Variants in STK3 observed in about 807,000 individuals in gnomAD.
STK3 encodes the protein serine/threonine-protein kinase 3.
STK3 carries 41 observed loss-of-function variants against 58.0 expected under a neutral mutation model. The observed-to-expected ratio is 0.71, with a 90% CI of 0.55 to 0.92. The LOEUF (loss-of-function observed/expected upper bound fraction) is 0.92. STK3 is among the 40% of genes least tolerant of loss of function. The pLI is 0.00. For synonymous variants in STK3, 170 were observed against 191.0 expected (o/e 0.89, Z 0.91); for missense variants, 479 against 602.7 (o/e 0.79, Z 2.15).
intron 8 of STK3, among the ~76,000 whole-genome samples, chr8:98,559,327 T>C (rs183403129): frequency 2.8e-4 from 42 of 152,192 alleles, no homozygotes; most frequent in Non-Finnish European, 5.6e-4. Flanking sequence ...CCTTGAGAAA[T>C]GTATAGTTTA....
chr8:98,369,464 G>A (rs1817591298), downstream of STK3, among the ~76,000 whole-genome samples: 1 of 152,128 alleles, frequency 6.6e-6, no homozygotes, highest in African/African-American at 2.4e-5. Context: ...GGGGAGGTGA[G>A]TGTGAAGGCT....
At chr8:98,458,602 A>G (rs1208658002) in intron 10 of STK3, among the ~76,000 whole-genome samples, 1 of 152,154 alleles carries the variant, frequency 6.6e-6, no homozygotes, top group Non-Finnish European at 1.5e-5. Flanking sequence ...AAATCTCATC[A>G]TGAATTGTAA....
At chr8:98,840,230 C>G (rs1208207293) in intron 3 of STK3, among the ~76,000 whole-genome samples, 1 of 151,372 alleles carries the variant, frequency 6.6e-6, no homozygotes, top group African/African-American at 2.4e-5. Flanking sequence ...TATCAGTAAT[C>G]CAGCCACTCA....
At chr8:98,570,935 C>G (rs1812909801) in intron 8 of STK3, among the ~76,000 whole-genome samples, 1 of 152,206 alleles carries the variant, frequency 6.6e-6, no homozygotes, top group African/African-American at 2.4e-5. Flanking sequence ...TTAGATAATG[C>G]AACCTCCCTT....
intron 7 of STK3, among the ~76,000 whole-genome samples, chr8:98,582,709 G>T (rs1814026709): frequency 1.3e-5 from 2 of 151,866 alleles, no homozygotes; most frequent in Non-Finnish European, 2.9e-5. Context: ...ATTTAATTCT[G>T]CTTCATTATT....
chr8:98,581,446 G>A lies in STK3; in HGVS notation c.823-1657C>T, dbSNP rs897884503. ...GGAATACTTTCTACACTGCCTTGTG[G>A]AGATGAATGCCTTAGCATGACAGCC... On this transcript the variant is annotated intron_variant, in intron 7 of 10. Transcript: ENST00000419617. Among the ~76,000 whole-genome samples, 5 of 152,098 alleles carry A rather than the reference G, an allele frequency of 3.3e-5. No individual in the cohort carries two copies. In the East Asian group the frequency reaches 9.7e-4, roughly 29 times the overall value.
chr8:98,757,011 C>T (rs1054480951), intron 3 of STK3, among the ~76,000 whole-genome samples: 1 of 152,010 alleles, frequency 6.6e-6, no homozygotes, highest in Non-Finnish European at 1.5e-5. Context: ...CATTCTTGTC[C>T]ACTTCTTCCC....
At position 98,570,279 on chromosome 8, in the gene STK3, T is replaced by A. The variant is rs556040254; in HGVS notation, c.948+9385A>T. Among the ~76,000 whole-genome samples, 11 of 150,496 alleles carry A rather than the reference T, an allele frequency of 7.3e-5. 1 individual carries two copies. The highest frequency in any genetic ancestry group is 2.4e-4 in the African/African-American group (10 of 41,216). On this transcript the variant is annotated intron_variant, in intron 8 of 10. Transcript: ENST00000419617. ...AAATAGCTGGGACTACAGGCATGCA[T>A]CACCAAGCCTAGCTAATTTTGTGTT...
the STK3 span, among the ~76,000 whole-genome samples, chr8:98,346,414 A>C: frequency 3.3e-5 from 5 of 152,010 alleles, no homozygotes; most frequent in Admixed American, 6.5e-5. Flanking sequence ...TGAGGAAATA[A>C]TGTCCAAATT....
At chr8:98,624,636 T>C (rs958646476) in intron 6 of STK3, among the ~76,000 whole-genome samples, 2 of 152,024 alleles carry the variant, frequency 1.3e-5, no homozygotes, top group Admixed American at 6.6e-5. Flanking sequence ...TGGGATCACT[T>C]GAGGTCAGGA....
intron 1 of STK3, among the ~76,000 whole-genome samples, chr8:98,778,190 A>T (rs1445922000): frequency 6.6e-6 from 1 of 152,196 alleles, no homozygotes; most frequent in East Asian, 1.9e-4. Flanking sequence ...CAAGAAAAAA[A>T]CAAACAACCC....
chr8:98,419,040 C>T, intron 3 of STK3, among the ~76,000 whole-genome samples: 1 of 152,236 alleles, frequency 6.6e-6, no homozygotes, highest in East Asian at 1.9e-4. Flanking sequence ...GGCTCTGTAG[C>T]TTCCAAGTCT....
chr8:98,466,290 G>C (rs527759704), intron 10 of STK3, among the ~76,000 whole-genome samples: 1 of 152,140 alleles, frequency 6.6e-6, no homozygotes, highest in Admixed American at 6.6e-5. Context: ...TTACTGGGTA[G>C]TCAAACCTCT....
At chr8:98,372,894 T>C (rs1040217960) in intron 2 of STK3, among the ~76,000 whole-genome samples, 4 of 152,224 alleles carry the variant, frequency 2.6e-5, no homozygotes, top group African/African-American at 9.7e-5. Flanking sequence ...AATAACACCA[T>C]GCCCTGAGGT....
chr8:98,356,955 T>C, the STK3 span, among the ~76,000 whole-genome samples: 37 of 152,206 alleles, frequency 2.4e-4, no homozygotes, highest in Non-Finnish European at 4.6e-4. Flanking sequence ...GATATAGAAT[T>C]AAAGTATCTG....
At chr8:98,744,568 T>C (rs1462596820) in intron 4 of STK3, among the ~76,000 whole-genome samples, 6 of 115,514 alleles carry the variant, frequency 5.2e-5, no homozygotes, top group Non-Finnish European at 8.3e-5. Flanking sequence ...AACATCGCAC[T>C]CTGGGGACTG....
At chr8:98,684,297 A>AACTGTCAAT in intron 6 of STK3, among the ~76,000 whole-genome samples, 1 of 152,150 alleles carries the variant, frequency 6.6e-6, no homozygotes, top group Non-Finnish European at 1.5e-5. Flanking sequence ...GCTAGCAATA[A>AACTGTCAAT]ACTGTCAATA....
At chr8:98,631,321 T>C (rs911440084) in intron 6 of STK3, among the ~76,000 whole-genome samples, 2 of 152,220 alleles carry the variant, frequency 1.3e-5, no homozygotes, top group Non-Finnish European at 2.9e-5. Context: ...CCGTGGTTTA[T>C]GAAGGCTCTA....
intron 4 of STK3, among the ~76,000 whole-genome samples, chr8:98,743,757 C>T (rs904342375): frequency 6.6e-6 from 1 of 151,770 alleles, no homozygotes; most frequent in Admixed American, 6.6e-5. Context: ...AACTAAAGAA[C>T]TTCTGCACAG....
Sources: gnomAD v4.1 joint callset for allele counts (sites outside exome capture counted in the v4.1 genomes callset) on GRCh38, gnomAD v4.1.1 for gene constraint, MANE v1.5 for transcripts, NCBI Gene and HGNC (gene_info 2026-07-23, HGNC 2026-07-21) for gene names.